MAP3K13: variants seen among roughly 807,000 people sequenced by gnomAD.
The protein encoded by MAP3K13 is mitogen-activated protein kinase kinase kinase 13, also known as leucine zipper-bearing kinase.
A neutral mutation model predicts 104.0 loss-of-function variants in MAP3K13; 52 were observed. That is an observed-to-expected ratio of 0.50 (90% CI 0.40 to 0.63). The LOEUF (loss-of-function observed/expected upper bound fraction) is 0.63. Among genes scored for constraint, MAP3K13 ranks in the 20% least tolerant of loss-of-function variants. The pLI is 0.00. For missense variants in MAP3K13, 914 were observed against 1,218.5 expected (o/e 0.75, Z 3.72); for synonymous variants, 394 against 442.2 (o/e 0.89, Z 1.37).
At chr3:185,330,271 T>C (rs1215649100) in intron 2 of MAP3K13, among the ~76,000 whole-genome samples, 1 of 151,858 alleles carries the variant, frequency 6.6e-6, no homozygotes, top group Non-Finnish European at 1.5e-5. Flanking sequence ...GTTCACTGGG[T>C]TTCCCCTTCC....
At chr3:185,472,624 C>A (rs992288960) in intron 10 of MAP3K13, among the ~76,000 whole-genome samples, 1 of 152,178 alleles carries the variant, frequency 6.6e-6, no homozygotes, top group African/African-American at 2.4e-5. Flanking sequence ...TTAAGCTTCA[C>A]CACAAATTTG....
intron 7 of MAP3K13, among the ~76,000 whole-genome samples, chr3:185,462,558 A>G (rs1012859884): frequency 6.6e-6 from 1 of 152,164 alleles, no homozygotes; most frequent in Non-Finnish European, 1.5e-5. Flanking sequence ...GGATCATTTG[A>G]GGTCAGGAGT....
chr3:185,465,762 T>C lies in MAP3K13; in HGVS notation c.1404T>C (p.Ile468=). Residue 468 remains isoleucine, a synonymous_variant, in exon 9 of 14, where the codon ATT becomes ATC. Transcript: ENST00000265026. ...TCTCTGACAGGCATGCGCTGGATAT[T>C]CGTGAACACTATGAGCGGAAGCTTG... is the stretch of plus-strand genomic sequence containing the variant. ...RREELRHALD[I]REHYERKLER... The C allele has an allele frequency of 6.2e-7, 1 of 1,613,902 alleles. No individual in the cohort carries two copies. The highest frequency in any genetic ancestry group is 8.5e-7 in the Non-Finnish European group (1 of 1,179,758).
intron 2 of MAP3K13, among the ~76,000 whole-genome samples, chr3:185,357,993 T>C (rs1723437151): frequency 6.6e-6 from 1 of 152,220 alleles, no homozygotes; most frequent in African/African-American, 2.4e-5. Flanking sequence ...ACATGAGGCT[T>C]TAATCTTCTT....
chr3:185,329,351 C>T, intron 2 of MAP3K13: 1 of 653,746 alleles, frequency 1.5e-6, no homozygotes. Flanking sequence ...TTCATAGTTA[C>T]AGATTCATGT....
At chr3:185,467,523 G>A (rs1560128902) in intron 10 of MAP3K13, among the ~76,000 whole-genome samples, 1 of 152,136 alleles carries the variant, frequency 6.6e-6, no homozygotes, top group Non-Finnish European at 1.5e-5. Flanking sequence ...GGTGGCTCAC[G>A]CCTGTAATCC....
intron 8 of MAP3K13, among the ~76,000 whole-genome samples, chr3:185,465,138 G>A (rs906375283): frequency 2.0e-5 from 3 of 152,004 alleles, no homozygotes; most frequent in African/African-American, 4.8e-5. Flanking sequence ...TAACCATGCC[G>A]GGCTAATTTT....
At chr3:185,329,556 C>T (rs1040307779) in intron 2 of MAP3K13, among the ~76,000 whole-genome samples, 7 of 152,214 alleles carry the variant, frequency 4.6e-5, no homozygotes, top group East Asian at 3.8e-4. Flanking sequence ...TGAGGTTTCA[C>T]GCAACTTCGG....
rs1387785610 is a variant in MAP3K13, at chr3:185,326,715, G to GA, written c.-86+41083dup. Among the ~76,000 whole-genome samples, 409 of 144,068 alleles carry GA rather than the reference G, an allele frequency of 2.8e-3. 1 individual carries two copies. Among genetic ancestry groups the GA allele is most frequent in the Non-Finnish European group, 4.6e-3 (298 of 65,400 alleles). 94.5% of individuals were successfully genotyped at this position (144,068 alleles called of 152,430 possible). ...GTGTGTTTGATCCCAACACAGGAAA[G>GA]AAAAAAAAAAATGAGGGTACAGCTA... On this transcript the variant is annotated intron_variant, in intron 2 of 14. Transcript: ENST00000424227.
chr3:185,480,559 C>T (rs1244338456), intron 13 of MAP3K13, 30 bp downstream of exon 13: 2 of 1,597,986 alleles, frequency 1.3e-6, no homozygotes. Flanking sequence ...CCTCCCATCA[C>T]TGTTCCCTTT....
intron 2 of MAP3K13, among the ~76,000 whole-genome samples, chr3:185,343,743 G>C (rs73193048): frequency 0.065 from 9,883 of 152,174 alleles, 452 homozygotes; most frequent in Non-Finnish European, 0.089. Flanking sequence ...AAGCCACTGC[G>C]CCTGGCTGGA....
At chr3:185,366,833 G>T (rs1271914508) in intron 1 of MAP3K13, among the ~76,000 whole-genome samples, 2 of 152,162 alleles carry the variant, frequency 1.3e-5, no homozygotes, top group African/African-American at 4.8e-5. Flanking sequence ...CTGGACACAA[G>T]CTCTTTATCA....
At chr3:185,308,914 T>A (rs1345273925) in intron 2 of MAP3K13, among the ~76,000 whole-genome samples, 3 of 152,182 alleles carry the variant, frequency 2.0e-5, no homozygotes, top group African/African-American at 4.8e-5. Flanking sequence ...TGTGACTTTT[T>A]AACTGGTTTC....
intron 1 of MAP3K13, among the ~76,000 whole-genome samples, chr3:185,370,730 T>A (rs2108749608): frequency 7.9e-6 from 1 of 126,196 alleles, no homozygotes; most frequent in South Asian, 2.9e-4. Flanking sequence ...TTGACCATTG[T>A]TCTCTGTAGT....
intron 1 of MAP3K13, among the ~76,000 whole-genome samples, chr3:185,427,830 A>C (rs1577545375): frequency 6.6e-6 from 1 of 152,194 alleles, no homozygotes; most frequent in South Asian, 2.1e-4. Context: ...TGTAATCCCA[A>C]CACTTTGGGA....
intron 2 of MAP3K13, among the ~76,000 whole-genome samples, chr3:185,298,199 C>G (rs150207847): frequency 7.4e-4 from 113 of 152,240 alleles, no homozygotes; most frequent in South Asian, 3.7e-3. Flanking sequence ...TCTTAGAAAG[C>G]TTTCTCTTTT....
At chr3:185,445,740 C>T (rs1715555754) in intron 4 of MAP3K13, among the ~76,000 whole-genome samples, 1 of 152,176 alleles carries the variant, frequency 6.6e-6, no homozygotes, top group African/African-American at 2.4e-5. Flanking sequence ...GATCTCATTA[C>T]TTACATTAAA....
At chr3:185,467,902 G>A (rs1717546782) in intron 10 of MAP3K13, among the ~76,000 whole-genome samples, 2 of 152,056 alleles carry the variant, frequency 1.3e-5, no homozygotes, top group African/African-American at 4.8e-5. Context: ...AGCTTCTCGG[G>A]AGGCCTCAGG....
At chr3:185,321,381 G>C (rs1166977176) in intron 2 of MAP3K13, among the ~76,000 whole-genome samples, 2 of 152,184 alleles carry the variant, frequency 1.3e-5, no homozygotes, top group African/African-American at 2.4e-5. Flanking sequence ...TCTGGTTATA[G>C]TCAGTTCTGT....
Sources: allele counts gnomAD v4.1 joint callset (sites outside exome capture counted in the v4.1 genomes callset), GRCh38; gene constraint gnomAD v4.1.1; transcripts MANE v1.5; gene names NCBI Gene and HGNC (gene_info 2026-07-23, HGNC 2026-07-21).